Variants in SKIC3 observed in about 807,000 individuals in gnomAD.
The protein encoded by SKIC3 is superkiller complex protein 3.
the SKIC3 span, among the ~76,000 whole-genome samples, chr5:95,527,292 T>C: frequency 6.6e-6 from 1 of 152,138 alleles, no homozygotes; most frequent in Non-Finnish European, 1.5e-5. Flanking sequence ...TGAAAAACCT[T>C]TATAAAGCAT....
the SKIC3 span, among the ~76,000 whole-genome samples, chr5:95,507,358 T>C: frequency 6.6e-6 from 1 of 152,210 alleles, no homozygotes; most frequent in Non-Finnish European, 1.5e-5. Flanking sequence ...AAACTATTTA[T>C]ATATTAGTAG....
the SKIC3 span, chr5:95,524,564 G>T: frequency 1.2e-4 from 188 of 1,613,350 alleles, no homozygotes; most frequent in Non-Finnish European, 2.2e-5. Flanking sequence ...CTGCAACTTC[G>T]GTATCTTTCT....
the SKIC3 span, among the ~76,000 whole-genome samples, chr5:95,517,495 A>G: frequency 3.3e-4 from 51 of 152,276 alleles, no homozygotes; most frequent in East Asian, 4.4e-3. Context: ...AAAAGGAGAA[A>G]GGGAAGGAGG....
At chr5:95,538,020 A>G in the SKIC3 span, among the ~76,000 whole-genome samples, 4 of 152,136 alleles carry the variant, frequency 2.6e-5, no homozygotes, top group Non-Finnish European at 5.9e-5. Context: ...CCAAATGAAA[A>G]ATCTGTAATA....
chr5:95,482,807 C>G, the SKIC3 span, among the ~76,000 whole-genome samples: 6 of 152,144 alleles, frequency 3.9e-5, no homozygotes, highest in African/African-American at 1.4e-4. Context: ...CTGTAAATAT[C>G]AAACTTTACA....
chr5:95,552,060 G>A, the SKIC3 span, among the ~76,000 whole-genome samples: 7 of 151,972 alleles, frequency 4.6e-5, no homozygotes, highest in Admixed American at 2.0e-4. Context: ...CTATACAAAC[G>A]GCCCCTGACT....
At chr5:95,478,852 A>G in the SKIC3 span, among the ~76,000 whole-genome samples, 1 of 152,148 alleles carries the variant, frequency 6.6e-6, no homozygotes. Context: ...AGCATATTCA[A>G]AGTAGAATCT....
the SKIC3 span, among the ~76,000 whole-genome samples, chr5:95,537,453 G>T: frequency 6.6e-6 from 1 of 152,212 alleles, no homozygotes; most frequent in Non-Finnish European, 1.5e-5. Flanking sequence ...TTATATGCTA[G>T]TATAGCTGCT....
At chr5:95,504,826 C>T in the SKIC3 span, among the ~76,000 whole-genome samples, 26 of 152,030 alleles carry the variant, frequency 1.7e-4, no homozygotes, top group East Asian at 4.4e-3. Flanking sequence ...CATGATGAAA[C>T]CCCGTCTCTA....
the SKIC3 span, chr5:95,546,921 A>T: frequency 1.2e-6 from 1 of 803,820 alleles, no homozygotes; most frequent in Middle Eastern, 3.6e-4. Flanking sequence ...AGAGGTTAAA[A>T]GTCCAACCAT....
the SKIC3 span, among the ~76,000 whole-genome samples, chr5:95,479,514 C>G: frequency 6.6e-6 from 1 of 152,054 alleles, no homozygotes; most frequent in East Asian, 1.9e-4. Context: ...TGTGGTACAA[C>G]ACAATAAAAT....
At chr5:95,548,191 A>T in the SKIC3 span, among the ~76,000 whole-genome samples, 2 of 152,026 alleles carry the variant, frequency 1.3e-5, 1 homozygote, top group Admixed American at 1.3e-4. Flanking sequence ...AATCTCATAG[A>T]AAGGTAAAAC....
At chr5:95,523,281 C>A in the SKIC3 span, 1 of 1,613,874 alleles carries the variant, frequency 6.2e-7, no homozygotes, top group South Asian at 1.1e-5. Context: ...GCCGTTCCAG[C>A]ACTTGCCTTT....
chr5:95,504,695 CT>C, the SKIC3 span, among the ~76,000 whole-genome samples: 1 of 151,460 alleles, frequency 6.6e-6, no homozygotes. Flanking sequence ...AAATATTATT[CT>C]TTTTTGTGTT....
At chr5:95,504,715 A>C in the SKIC3 span, among the ~76,000 whole-genome samples, 1 of 151,596 alleles carries the variant, frequency 6.6e-6, no homozygotes, top group African/African-American at 2.4e-5. Flanking sequence ...TTTAAGGGAG[A>C]GGAAGCCGGG....
chr5:95,487,020 T>C, the SKIC3 span, among the ~76,000 whole-genome samples: 1 of 152,160 alleles, frequency 6.6e-6, no homozygotes, highest in African/African-American at 2.4e-5. Context: ...GAATAACATG[T>C]GAGTCAGTGG....
At chr5:95,540,977 T>C in the SKIC3 span, 26 of 884,828 alleles carry the variant, frequency 2.9e-5, no homozygotes, top group Admixed American at 5.5e-5. Flanking sequence ...TTTTATTTTA[T>C]TTTTTTGAGA....
chr5:95,545,679 G>A, the SKIC3 span, among the ~76,000 whole-genome samples: 1 of 152,090 alleles, frequency 6.6e-6, no homozygotes, highest in Non-Finnish European at 1.5e-5. Flanking sequence ...GTCCTCTACT[G>A]CTCCTTCCTC....
chr5:95,552,941 C>A, the SKIC3 span, among the ~76,000 whole-genome samples: 1 of 152,110 alleles, frequency 6.6e-6, no homozygotes, highest in Non-Finnish European at 1.5e-5. Context: ...AAGAAAAATG[C>A]ACTAATGAAT....
Sources: gnomAD v4.1 joint callset for allele counts (sites outside exome capture counted in the v4.1 genomes callset) on GRCh38, gnomAD v4.1.1 for gene constraint, MANE v1.5 for transcripts, NCBI Gene and HGNC (gene_info 2026-07-23, HGNC 2026-07-21) for gene names.